CHTF18: variants seen among roughly 807,000 people sequenced by gnomAD.
CHTF18 encodes chromosome transmission fidelity protein 18 homolog.
A neutral mutation model predicts 113.4 loss-of-function variants in CHTF18; 151 were observed. That is an observed-to-expected ratio of 1.33 (90% CI 1.17 to 1.52). The LOEUF (loss-of-function observed/expected upper bound fraction) is 1.52. CHTF18 is among the 40% of genes most tolerant of loss of function. CHTF18 has a pLI of 0.00. For missense variants in CHTF18, 1,982 were observed against 1,381.6 expected, an observed-to-expected ratio of 1.43 and a Z score of -6.89; for synonymous variants, 916 against 598.8, an observed-to-expected ratio of 1.53 and a Z score of -7.74.
At chr16:795,402 C>G in intron 16 of CHTF18, 46 bp downstream of exon 16, 1 of 1,474,462 alleles carries the variant, frequency 6.8e-7, no homozygotes, top group Non-Finnish European at 9.1e-7. Context: ...CCGTGCCCGC[C>G]CCCCTGTGCT....
rs530916761 is a variant in CHTF18 at position 793,140 on chromosome 16, C to T, written c.1672-4C>T. On this transcript the variant is annotated splice_region_variant and splice_polypyrimidine_tract_variant and intron_variant, in intron 13 of 21. Coordinates refer to ENST00000262315, the MANE Select transcript of CHTF18 (RefSeq NM_022092.3). ...CGCTTCTCATGCCCCCGCCCTATGT[C>T]TAGTTCCTGTACAGCCGGGGCCAGC... 18 of 1,598,180 alleles carry T rather than the reference C, an allele frequency of 1.1e-5. No individual in the cohort carries two copies. The highest frequency in any genetic ancestry group is 1.3e-5 in the Non-Finnish European group (15 of 1,173,886).
At chr16:794,484 T>C (rs1596764719) in intron 15 of CHTF18, among the ~76,000 whole-genome samples, 1 of 151,548 alleles carries the variant, frequency 6.6e-6, no homozygotes, top group Non-Finnish European at 1.5e-5. Context: ...CGGGTTGGGG[T>C]GGAGCCCCTG....
At chr16:792,170 C>T in intron 9 of CHTF18, 54 bp from the exon 10 acceptor site, 7 of 1,536,746 alleles carry the variant, frequency 4.6e-6, no homozygotes, top group Admixed American at 2.0e-5. Context: ...CCTTGGGAGG[C>T]TGCCCTGCCA....
At position 792,231 on chromosome 16, in the gene CHTF18, CG is replaced by C; in HGVS notation, c.1211del (p.Arg404LeufsTer46). ...CTGACCTCCCCATTGCAGTGACGAC[CG>C]TAGCCCGGAGGTCTTCCGCACACGC... is the stretch of plus-strand genomic sequence containing the variant. ...SVVEMNASDD[R>X]SPEVFRTRIE... On this transcript the variant is annotated frameshift_variant, in exon 10 of 22. Coordinates refer to ENST00000262315, the MANE Select transcript of CHTF18 (RefSeq NM_022092.3). LOFTEE classifies it high-confidence loss of function. The C allele has an allele frequency of 3.8e-6, 6 of 1,570,558 alleles. No homozygotes were observed. Among genetic ancestry groups the C allele is most frequent in the Non-Finnish European group, 5.2e-6 (6 of 1,158,880 alleles).
rs777321758 is a variant in CHTF18, at chr16:798,018, G to T, written c.*43G>T. 2 of 1,581,964 alleles carry T rather than the reference G, an allele frequency of 1.3e-6. No homozygotes were observed. On this transcript the variant is annotated 3_prime_UTR_variant, in exon 22 of 22. Transcript: ENST00000262315. ...ATGCCCTCGCATTGCTTCCCGCAGA[G>T]TGCAGAGACAGGAAGCTGGAGATGT... is the stretch of plus-strand genomic sequence containing the variant.
rs751486354 is a variant in CHTF18, at chr16:795,402, C to T, written c.2175+46C>T. The T allele has an allele frequency of 1.0e-5, 15 of 1,474,476 alleles. No homozygotes were observed. In the East Asian group the frequency reaches 1.3e-4, roughly 12 times the overall value. The allele number at this position is 1,474,476 out of a possible 1,614,324, so 91.3% of individuals were successfully genotyped here. On this transcript the variant is annotated intron_variant, in intron 16 of 21. Transcript: ENST00000262315. The stretch of plus-strand genomic sequence containing the variant: ...CGCCTGCCCCCGGCCCCGTGCCCGC[C>T]CCCCTGTGCTGCCCGTGTGGCTGCC...
At position 792,533 on chromosome 16, in the gene CHTF18, G is replaced by A. The variant is rs767399733; in HGVS notation, c.1421G>A (p.Arg474Gln). ...GPAVPSGGGR[R>Q]RRAEGGLLMR... ...GCTGTGCCTTCGGGAGGCGGCCGAC[G>A]GCGCCGGGCAGAGGGGGGGCTCCTC... The change falls in exon 11 of 22, where the codon CGG becomes CAG. Residue 474 changes from arginine to glutamine, a missense_variant. Arg to Gln is a conservative substitution (Grantham distance 43, BLOSUM62 1). Coordinates refer to ENST00000262315, the MANE Select transcript of CHTF18 (RefSeq NM_022092.3). 30 of 1,595,816 alleles carry A rather than the reference G, an allele frequency of 1.9e-5. No individual in the cohort carries two copies. Among genetic ancestry groups the A allele is most frequent in the South Asian group, 4.5e-5 (4 of 88,772 alleles).
intron 14 of CHTF18, 131 bp downstream of exon 14, chr16:793,405 G>A: frequency 8.5e-7 from 1 of 1,179,138 alleles, no homozygotes; most frequent in Non-Finnish European, 1.2e-6. Context: ...GCCTGGTCCA[G>A]CCTCCAGGGC....
rs1346452727 is a variant in CHTF18, at chr16:793,666, A to C, written c.1803-388A>C. ...TGGCCTCCCGTGGGCAGGAGCAGCCAGCATGTCTCTGTCCTGACGTGCCAT... is the reference window on the plus strand; with the variant it reads ...TGGCCTCCCGTGGGCAGGAGCAGCCCGCATGTCTCTGTCCTGACGTGCCAT... On this transcript the variant is annotated intron_variant, in intron 14 of 21. Coordinates refer to ENST00000262315, the MANE Select transcript of CHTF18 (RefSeq NM_022092.3). The C allele has an allele frequency of 5.5e-6, 3 of 550,154 alleles. No homozygotes were observed. In the Admixed American group the frequency reaches 8.1e-5, roughly 15 times the overall value. 34.1% of individuals were successfully genotyped at this position (550,154 alleles called of 1,614,324 possible).
At chr16:791,748 G>A in intron 8 of CHTF18, 103 bp from the exon 9 acceptor site, 11 of 1,476,130 alleles carry the variant, frequency 7.5e-6, no homozygotes, top group East Asian at 2.5e-5. Context: ...TGGGGTGGAG[G>A]GAGCGCCCAG....
At chr16:791,754 C>G in intron 8 of CHTF18, 97 bp from the exon 9 acceptor site, 2 of 1,486,794 alleles carry the variant, frequency 1.3e-6, no homozygotes, top group Admixed American at 2.4e-5. Flanking sequence ...GGAGGGAGCG[C>G]CCAGCCTGTG....
In CHTF18 at chr16:792,364, CTGGGTAGG is replaced by C; in HGVS notation, c.1326+23_1326+30del. 6.4e-7 allele frequency: 1 copy of C among 1,559,032 alleles called. No individual in the cohort carries two copies. The highest frequency in any genetic ancestry group is 8.7e-7 in the Non-Finnish European group (1 of 1,152,380). On this transcript the variant is annotated intron_variant, in intron 10 of 21. Coordinates refer to ENST00000262315, the MANE Select transcript of CHTF18 (RefSeq NM_022092.3). ...GCCCCCGTGGTGGGCTCCTTGATGC[CTGGGTAGG>C]TGGGTGGGCGGGCAGGCAGGCGGGC...
rs751926698 is a variant in CHTF18 at position 796,741 on chromosome 16, C to T, written c.2481C>T (p.Phe827=). 3.1e-6 allele frequency: 5 copies of T among 1,604,566 alleles called. No homozygotes were observed. The highest frequency in any genetic ancestry group is 4.2e-6 in the Non-Finnish European group (5 of 1,179,370). The part of the protein sequence containing the change: ...LEPNVEELCR[F]PELPARKPLT... ...GGAACGTGGAGGAACTCTGCCGCTT[C>T]CCTGAGCTGCCTGCCCGCAAGCCCC... The change falls in exon 19 of 22, where the codon TTC becomes TTT. Residue 827 remains phenylalanine (F), a synonymous_variant. Coordinates refer to ENST00000262315, the MANE Select transcript of CHTF18 (RefSeq NM_022092.3).
chr16:795,879 C>G (rs748762382), intron 17 of CHTF18, 45 bp downstream of exon 17: 13 of 1,606,962 alleles, frequency 8.1e-6, no homozygotes, highest in South Asian at 1.1e-5. Context: ...CTGCTGCCCT[C>G]CTGTCCTAGG....
At position 795,890 on chromosome 16, in the gene CHTF18, T is replaced by G; in HGVS notation, c.2325+56T>G. The G allele has an allele frequency of 3.1e-6, 5 of 1,601,962 alleles. No homozygotes were observed. In the South Asian group the frequency reaches 5.6e-5, roughly 18 times the overall value. On this transcript the variant is annotated intron_variant, in intron 17 of 21. Coordinates refer to ENST00000262315, the MANE Select transcript of CHTF18 (RefSeq NM_022092.3). ...CCGCCTGCTGCCCTCCTGTCCTAGG[T>G]GAGCACACATTTGTACAGCCTGCTC...
At chr16:797,616 C>A in intron 20 of CHTF18, 78 bp from the exon 21 acceptor site, 1 of 1,510,678 alleles carries the variant, frequency 6.6e-7, no homozygotes, top group Non-Finnish European at 9.1e-7. Flanking sequence ...CCTGGGAAGG[C>A]TCTCGGTCCT....
intron 18 of CHTF18, chr16:796,488 A>G (rs2042350872): frequency 2.7e-5 from 16 of 593,790 alleles, no homozygotes; most frequent in South Asian, 4.5e-5. Flanking sequence ...CGTGGCAGCC[A>G]TCGGCAGGTT....
Position 795,676 on chromosome 16 carries a change from C to G in CHTF18, c.2176-9C>G, listed in dbSNP as rs554269555. ...AGGTGACCAGGCCTTGGCTCACCCC[C>G]TGCCCCAGGCCCAGAACCGGATGAG... On this transcript the variant is annotated splice_polypyrimidine_tract_variant and intron_variant, in intron 16 of 21. Coordinates refer to ENST00000262315, the MANE Select transcript of CHTF18 (RefSeq NM_022092.3). The G allele has an allele frequency of 6.9e-6, 11 of 1,584,548 alleles. No individual in the cohort carries two copies. In the South Asian group the frequency reaches 9.0e-5, roughly 13 times the overall value.
Position 797,879 on chromosome 16 carries a change from G to A in CHTF18, c.2832G>A (p.Met944Ile), listed in dbSNP as rs376655209. 10 of 1,610,264 alleles carry A rather than the reference G, an allele frequency of 6.2e-6. No individual in the cohort carries two copies. The Admixed American group carries it at 8.4e-5, about 13-fold the overall frequency. Residue 944 changes from methionine to isoleucine, a missense_variant, in exon 22 of 22, where the codon ATG becomes ATA. Coordinates refer to ENST00000262315, the MANE Select transcript of CHTF18 (RefSeq NM_022092.3). The stretch of plus-strand genomic sequence containing the variant: ...AGCAGGACTCAGTGGAGCGGCGCAT[G>A]GGCACAGCGGTGGGCAGGAGCGAGG... ...APEQDSVERR[M>I]GTAVGRSEVW...
Sources: allele counts gnomAD v4.1 joint callset (sites outside exome capture counted in the v4.1 genomes callset), GRCh38; gene constraint gnomAD v4.1.1; transcripts MANE v1.5; gene names NCBI Gene and HGNC (gene_info 2026-07-23, HGNC 2026-07-21).